CENPI: variants seen among roughly 807,000 people sequenced by gnomAD.
The protein encoded by CENPI is centromere protein I.
Under a neutral mutation model 60.4 loss-of-function variants are expected in CENPI, and 4 were observed. The observed-to-expected ratio is 0.07, with a 90% CI of 0.03 to 0.15. The LOEUF (loss-of-function observed/expected upper bound fraction) is 0.15, where lower values mean the gene tolerates loss of function less well. Ranked by LOEUF, CENPI falls within the 10% of genes least tolerant of loss-of-function variation. CENPI has a pLI of 1.00. For missense variants in CENPI, 444 were observed against 534.5 expected (o/e 0.83, Z 1.67); for synonymous variants, 157 against 189.4 (o/e 0.83, Z 1.40).
intron 6 of CENPI, among the ~76,000 whole-genome samples, chrX:101,115,434 CT>C (rs2089611714): frequency 9.0e-6 from 1 of 110,839 alleles, no homozygotes; most frequent in Non-Finnish European, 1.9e-5. Flanking sequence ...ACAAACACAG[CT>C]TTATTGAAAT....
rs372331488 is a variant in CENPI, at chrX:101,122,575, A to G, written c.687+1791A>G. On this transcript the variant is annotated intron_variant, in intron 8 of 21. Coordinates refer to ENST00000682095, the MANE Select transcript of CENPI (RefSeq NM_001386188.2). ...ATTTCAATGGAATAAGACAATTCTT[A>G]CCATAATAAAAGATCTTAGTACCCA... Among the ~76,000 whole-genome samples the G allele has an allele frequency of 3.8e-4, 43 of 111,809 alleles. No individual in the cohort carries two copies. The East Asian group carries it at 8.9e-3, about 23-fold the overall frequency.
At chrX:101,102,961 A>T (rs1264852834) in intron 4 of CENPI, among the ~76,000 whole-genome samples, 2 of 103,934 alleles carry the variant, frequency 1.9e-5, no homozygotes, top group African/African-American at 7.2e-5. Flanking sequence ...AAGTGCTGGG[A>T]TTACAGGTGT....
At chrX:101,143,132 C>T (rs1356342045) in intron 16 of CENPI, among the ~76,000 whole-genome samples, 1 of 88,922 alleles carries the variant, frequency 1.1e-5, no homozygotes, top group Non-Finnish European at 2.3e-5. Flanking sequence ...TAGATGCTCG[C>T]CTATTTGAAT....
chrX:101,142,363 C>T (rs1291740355), intron 16 of CENPI, among the ~76,000 whole-genome samples: 1 of 111,806 alleles, frequency 8.9e-6, no homozygotes, highest in Non-Finnish European at 1.9e-5. Flanking sequence ...ATTTTGCTTG[C>T]CATATCAATA....
At chrX:101,102,185 C>A in intron 3 of CENPI, 89 bp from the exon 4 acceptor site, 1 of 738,517 alleles carries the variant, frequency 1.4e-6, no homozygotes, top group Non-Finnish European at 1.9e-6. Context: ...TTAAGCTATT[C>A]CTTTAAAGAG....
At chrX:101,104,120 T>C (rs186512241) in intron 4 of CENPI, among the ~76,000 whole-genome samples, 384 of 112,074 alleles carry the variant, frequency 3.4e-3, no homozygotes, top group African/African-American at 0.01. Context: ...CTTATCGGCA[T>C]GTGCCACCAC....
chrX:101,159,133 A>G (rs764033601), intron 20 of CENPI, among the ~76,000 whole-genome samples: 1 of 111,073 alleles, frequency 9.0e-6, no homozygotes, highest in Admixed American at 9.6e-5. Flanking sequence ...ATGGAACTTG[A>G]TGATAGTTTG....
Position 101,127,586 on chromosome X carries a change from G to A in CENPI, c.995G>A (p.Cys332Tyr), listed in dbSNP as rs1417840304. 8.3e-7 allele frequency: 1 copy of A among 1,197,624 alleles called. No homozygotes were observed. Among genetic ancestry groups the A allele is most frequent in the East Asian group, 3.0e-5 (1 of 33,663 alleles). Residue 332 changes from cysteine (C) to tyrosine (Y), a missense_variant, in exon 11 of 22, where the codon TGT becomes TAT. By Grantham distance (194) the Cys-to-Tyr change is radical. Coordinates refer to ENST00000682095, the MANE Select transcript of CENPI (RefSeq NM_001386188.2). ...AAAAAAGAGATGAGTCTTTCTGATT[G>A]TCTGAATAGAAGTGGATCATTTCCA... ...CGKKEMSLSD[C>Y]LNRSGSFPLE...
At position 101,162,977 on chromosome X, in the gene CENPI, G is replaced by T. The variant is rs770923937; in HGVS notation, c.*10G>T. 4 of 1,203,580 alleles carry T rather than the reference G, an allele frequency of 3.3e-6. No individual in the cohort carries two copies. Among genetic ancestry groups the T allele is most frequent in the African/African-American group, 1.8e-5 (1 of 56,851 alleles). On this transcript the variant is annotated 3_prime_UTR_variant, in exon 22 of 22. Transcript: ENST00000682095. ...CAACAATCAATATTAAATGAATGTTGACATAAACTGAACACACTGGACTAA... is the reference window on the plus strand; with the variant it reads ...CAACAATCAATATTAAATGAATGTTTACATAAACTGAACACACTGGACTAA...
chrX:101,127,374 A>G (rs1432077299), intron 10 of CENPI, 108 bp downstream of exon 10: 1 of 963,761 alleles, frequency 1.0e-6, no homozygotes, highest in African/African-American at 2.0e-5. Context: ...TATGTCAGTT[A>G]CCCAGGATTC....
chrX:101,152,039 T>C (rs1025388374), intron 20 of CENPI, among the ~76,000 whole-genome samples: 5 of 110,313 alleles, frequency 4.5e-5, no homozygotes, highest in Admixed American at 3.9e-4. Context: ...TAATCTACTT[T>C]ACATATCTAT....
intron 12 of CENPI, among the ~76,000 whole-genome samples, chrX:101,129,726 A>G (rs1254484900): frequency 8.9e-6 from 1 of 111,980 alleles, no homozygotes; most frequent in Non-Finnish European, 1.9e-5. Flanking sequence ...CATATTCATT[A>G]TATGTGAATT....
intron 2 of CENPI, chrX:101,100,411 A>C (rs2089401028): frequency 9.0e-6 from 1 of 110,641 alleles, no homozygotes. Context: ...ATTGAGATGG[A>C]TTAGTTTTTT....
At chrX:101,106,628 G>A (rs1467616196) in intron 4 of CENPI, among the ~76,000 whole-genome samples, 2 of 110,234 alleles carry the variant, frequency 1.8e-5, no homozygotes, top group African/African-American at 6.6e-5. Flanking sequence ...CGTTGGCCAG[G>A]CTGGTCTCGA....
At chrX:101,177,532 T>C in the CENPI span, among the ~76,000 whole-genome samples, 16 of 111,797 alleles carry the variant, frequency 1.4e-4, no homozygotes, top group Non-Finnish European at 3.8e-5. Context: ...ATTGACTGTG[T>C]TAGGTAGAGG....
chrX:101,148,598 G>T (rs1305341810), intron 20 of CENPI, among the ~76,000 whole-genome samples: 1 of 112,091 alleles, frequency 8.9e-6, no homozygotes. Context: ...AAAGACTGCT[G>T]ATTTAATGGA....
rs763625427 is a variant in CENPI at position 101,105,753 on chromosome X, T to G, written c.364+3342T>G. On this transcript the variant is annotated intron_variant, in intron 4 of 21. Coordinates refer to ENST00000682095, the MANE Select transcript of CENPI (RefSeq NM_001386188.2). ...CTGCACCCAGCCTCCTTTTGATATC[T>G]CAGAAATTAATGATTAGGTTATCTT... Among the ~76,000 whole-genome samples the G allele has an allele frequency of 9.0e-5, 10 of 111,287 alleles. No homozygotes were observed. In the Admixed American group the frequency reaches 9.7e-4, roughly 11 times the overall value.
At chrX:101,103,750 G>A (rs958871780) in intron 4 of CENPI, among the ~76,000 whole-genome samples, 5 of 111,877 alleles carry the variant, frequency 4.5e-5, no homozygotes, top group African/African-American at 1.6e-4. Flanking sequence ...GGGTTTTTTT[G>A]TGTGTGTGTT....
downstream of CENPI, among the ~76,000 whole-genome samples, chrX:101,169,947 A>G (rs2090152846): frequency 8.9e-6 from 1 of 111,762 alleles, no homozygotes; most frequent in Admixed American, 9.6e-5. Context: ...GTTATTACAA[A>G]AGAGTAAAAA....
Sources: gnomAD v4.1 joint callset for allele counts (sites outside exome capture counted in the v4.1 genomes callset) on GRCh38, gnomAD v4.1.1 for gene constraint, MANE v1.5 for transcripts, NCBI Gene and HGNC (gene_info 2026-07-23, HGNC 2026-07-21) for gene names.